Variants in CDYL observed in about 807,000 individuals in gnomAD.
CDYL encodes chromodomain Y-like protein.
Under a neutral mutation model 47.3 loss-of-function variants are expected in CDYL, and 8 were observed. That is an observed-to-expected ratio of 0.17 (90% CI 0.10 to 0.31). The LOEUF is 0.31. Ranked by LOEUF, CDYL falls within the 10% of genes least tolerant of loss-of-function variation. The pLI, the probability that CDYL is intolerant of heterozygous loss-of-function variation, is 1.00. For synonymous variants in CDYL, 266 were observed against 265.0 expected (o/e 1.00, Z -0.04); for missense variants, 471 against 701.4 (o/e 0.67, Z 3.71).
At chr6:4,929,576 C>G (rs1757977944) in intron 2 of CDYL, among the ~76,000 whole-genome samples, 1 of 151,304 alleles carries the variant, frequency 6.6e-6, no homozygotes, top group Non-Finnish European at 1.5e-5. Flanking sequence ...TGCTAGACTG[C>G]TTAATATTGT....
At chr6:4,807,591 CTTTTTTTTTTTTTTTT>C (rs70974139) in intron 1 of CDYL, among the ~76,000 whole-genome samples, 5 of 42,898 alleles carry the variant, frequency 1.2e-4, no homozygotes, top group Non-Finnish European at 1.6e-4. Context: ...TCATTCATGT[CTTTTTTTTTTTTTTTT>C]TTTTTTTTTT....
intron 2 of CDYL, among the ~76,000 whole-genome samples, chr6:4,897,006 T>G (rs571802948): frequency 6.6e-6 from 1 of 152,338 alleles, no homozygotes; most frequent in East Asian, 1.9e-4. Flanking sequence ...GAATATATTA[T>G]TTCACTCAGA....
intron 1 of CDYL, among the ~76,000 whole-genome samples, chr6:4,878,306 A>AT (rs919652066): frequency 6.6e-6 from 1 of 151,534 alleles, no homozygotes; most frequent in Admixed American, 6.6e-5. Context: ...TAAAATTGGT[A>AT]TTTTTTTTCC....
At chr6:4,756,547 G>A (rs141205939) in intron 3 of CDYL, among the ~76,000 whole-genome samples, 1 of 150,952 alleles carries the variant, frequency 6.6e-6, no homozygotes, top group East Asian at 1.9e-4. Flanking sequence ...GTTGCCCTGT[G>A]TAGTAATTGT....
At chr6:4,915,735 T>C (rs1429224180) in intron 2 of CDYL, among the ~76,000 whole-genome samples, 1 of 152,196 alleles carries the variant, frequency 6.6e-6, no homozygotes, top group Non-Finnish European at 1.5e-5. Flanking sequence ...TAAAGCTCTC[T>C]TGTGGGGGAA....
At chr6:4,830,319 C>A (rs79982155) in intron 1 of CDYL, among the ~76,000 whole-genome samples, 4 of 152,212 alleles carry the variant, frequency 2.6e-5, no homozygotes, top group African/African-American at 9.6e-5. Flanking sequence ...TCTGGTGGAC[C>A]ACTAGGAGGA....
At chr6:4,894,876 T>TGTGTGTATATATACACAC (rs1561692290) in intron 2 of CDYL, among the ~76,000 whole-genome samples, 1 of 3,244 alleles carries the variant, frequency 3.1e-4, no homozygotes, top group African/African-American at 3.5e-4. Context: ...TATACACACA[T>TGTGTGTATATATACACAC]GTGTATGTGT....
intron 1 of CDYL, among the ~76,000 whole-genome samples, chr6:4,836,791 A>G (rs1760325145): frequency 6.6e-6 from 1 of 152,192 alleles, no homozygotes; most frequent in Non-Finnish European, 1.5e-5. Flanking sequence ...AGTGCGAGGA[A>G]GGGCAGTGAG....
At chr6:4,943,807 TGAA>T (rs1206258509) in intron 5 of CDYL, 51 bp downstream of exon 5, 1 of 1,332,524 alleles carries the variant, frequency 7.5e-7, no homozygotes, top group Non-Finnish European at 1.0e-6. Flanking sequence ...GAAAGCTTCC[TGAA>T]GAAATCTAGT....
At chr6:4,718,064 T>C (rs1475184865) in intron 2 of CDYL, among the ~76,000 whole-genome samples, 2 of 152,106 alleles carry the variant, frequency 1.3e-5, no homozygotes, top group African/African-American at 4.8e-5. Context: ...GCTGGTCTCC[T>C]GGCCTCAAGC....
At position 4,828,363 on chromosome 6, in the gene CDYL, A is replaced by C. The variant is rs201344657; in HGVS notation, c.24+51556A>C. Among the ~76,000 whole-genome samples, 6 of 146,852 alleles carry C rather than the reference A, an allele frequency of 4.1e-5. 1 individual carries two copies. In the East Asian group the frequency reaches 8.0e-4, roughly 20 times the overall value. On this transcript the variant is annotated intron_variant, in intron 1 of 6. Coordinates refer to ENST00000397588, the MANE Select transcript of CDYL (RefSeq NM_004824.4). ...AGCCTCAAACTCCTGGGCTCAAGTG[A>C]TCTCCTGCCTCAGCCTCCCAAGTAG...
At chr6:4,939,266 G>A (rs1758291975) in intron 4 of CDYL, among the ~76,000 whole-genome samples, 2 of 152,096 alleles carry the variant, frequency 1.3e-5, no homozygotes, top group African/African-American at 4.8e-5. Flanking sequence ...TGCACAGCAG[G>A]ATTGGTGTGG....
chr6:4,894,937 A>ATATG (rs1561692484), intron 2 of CDYL, among the ~76,000 whole-genome samples: 2 of 26,922 alleles, frequency 7.4e-5, no homozygotes, highest in Non-Finnish European at 1.4e-4. Flanking sequence ...GTATGTGTGT[A>ATATG]TATGTGTATG....
At chr6:4,724,215 A>ATTT (rs35194498) in intron 2 of CDYL, among the ~76,000 whole-genome samples, 60 of 146,574 alleles carry the variant, frequency 4.1e-4, no homozygotes, top group African/African-American at 1.5e-3. Context: ...TAATTTTTGT[A>ATTT]TTTTTTTTTT....
intron 1 of CDYL, among the ~76,000 whole-genome samples, chr6:4,815,972 G>GT (rs66530204): frequency 0.66 from 92,092 of 140,376 alleles, 32,571 homozygotes; most frequent in East Asian, 0.86. Context: ...ATTTTTATAG[G>GT]TTTTTTTTTT....
chr6:4,863,991 C>A (rs1313869915), intron 1 of CDYL, among the ~76,000 whole-genome samples: 1 of 152,106 alleles, frequency 6.6e-6, no homozygotes, highest in Non-Finnish European at 1.5e-5. Context: ...AAAGTACAGA[C>A]CCTCAAAGGT....
intron 2 of CDYL, among the ~76,000 whole-genome samples, chr6:4,922,062 A>G (rs550923611): frequency 6.6e-6 from 1 of 152,108 alleles, no homozygotes; most frequent in Non-Finnish European, 1.5e-5. Flanking sequence ...GTGCAGCCTC[A>G]TGGGCCTGAA....
At position 4,712,635 on chromosome 6, in the gene CDYL, G is replaced by A. The variant is rs148950787; in HGVS notation, c.-38-3106G>A. Among the ~76,000 whole-genome samples the A allele has an allele frequency of 6.8e-4, 103 of 152,302 alleles. 1 individual carries two copies. In the East Asian group the frequency reaches 0.017, roughly 25 times the overall value. Reference sequence around the variant, plus strand: ...TCCACACTGGGATATTCACTATCACGTATACCCCCATTCACACCTGGAACC... The same window carrying A: ...TCCACACTGGGATATTCACTATCACATATACCCCCATTCACACCTGGAACC... On this transcript the variant is annotated intron_variant, in intron 1 of 8. Transcript: ENST00000328908.
intron 2 of CDYL, among the ~76,000 whole-genome samples, chr6:4,721,106 A>T (rs919693626): frequency 2.6e-5 from 4 of 152,192 alleles, no homozygotes; most frequent in Non-Finnish European, 5.9e-5. Context: ...TGCTTTTCAT[A>T]ATATGTCAAT....
Sources: gnomAD v4.1 joint callset for allele counts (sites outside exome capture counted in the v4.1 genomes callset) on GRCh38, gnomAD v4.1.1 for gene constraint, MANE v1.5 for transcripts, NCBI Gene and HGNC (gene_info 2026-07-23, HGNC 2026-07-21) for gene names.